RNASEH2A: variants seen among roughly 807,000 people sequenced by gnomAD.
RNASEH2A encodes RNase H(35).
RNASEH2A carries 30 observed loss-of-function variants against 32.7 expected under a neutral mutation model. The ratio of observed to expected loss-of-function variants is 0.92; its 90% confidence interval spans 0.69 to 1.25. RNASEH2A has a LOEUF of 1.25. Among genes scored for constraint, RNASEH2A ranks in the 50% most tolerant of loss-of-function variants. The pLI is 0.00. For synonymous variants in RNASEH2A, 147 were observed against 165.4 expected, an observed-to-expected ratio of 0.89 and a Z score of 0.86; for missense variants, 409 against 398.1, an observed-to-expected ratio of 1.03 and a Z score of -0.23.
Position 12,806,749 on chromosome 19 carries a change from A to G in RNASEH2A, c.76A>G (p.Lys26Glu), listed in dbSNP as rs1203795008. The change falls in exon 1 of 8, where the codon AAG becomes GAG. Residue 26 changes from lysine (K) to glutamate (E), a missense_variant. Physicochemically the swap from Lys to Glu is moderately conservative, Grantham distance 56. Coordinates refer to ENST00000221486, the MANE Select transcript of RNASEH2A (RefSeq NM_006397.3). ...LSSPVPAVCR[K>E]EPCVLGVDEA... Reference sequence around the variant, plus strand: ...TTCGCCTGTGCCCGCGGTGTGCCGCAAGGAGCCTTGCGTCCTGGGCGTCGA... The same window carrying G: ...TTCGCCTGTGCCCGCGGTGTGCCGCGAGGAGCCTTGCGTCCTGGGCGTCGA... The G allele has an allele frequency of 1.5e-5, 23 of 1,573,258 alleles. No homozygotes were observed. In the South Asian group the frequency reaches 2.1e-4, roughly 14 times the overall value.
rs750735861 is a variant in RNASEH2A at position 12,806,808 on chromosome 19, C to T, written c.127+8C>T. 6.3e-7 allele frequency: 1 copy of T among 1,584,624 alleles called. No homozygotes were observed. Among genetic ancestry groups the T allele is most frequent in the East Asian group, 2.3e-5 (1 of 43,936 alleles). ...GCAGGGGCCCCGTGCTGGGTGCGCC[C>T]CTAGGGCCAGGGAGGGGAGGGGCGT... On this transcript the variant is annotated splice_region_variant and intron_variant, in intron 1 of 7. Transcript: ENST00000221486.
chr19:12,813,007 G>GA (rs199522141), intron 6 of RNASEH2A, 76 bp from the exon 7 acceptor site: 65,265 of 1,409,508 alleles, frequency 0.046, 883 homozygotes, highest in African/African-American at 0.15. Context: ...CCATCTCAAA[G>GA]AAAAAAAAAA....
At chr19:12,810,236 T>C in intron 5 of RNASEH2A, 28 bp downstream of exon 5, 1 of 1,614,192 alleles carries the variant, frequency 6.2e-7, no homozygotes, top group Non-Finnish European at 8.5e-7. Context: ...CATGGCTGGC[T>C]TCCACCATCC....
intron 4 of RNASEH2A, among the ~76,000 whole-genome samples, chr19:12,808,176 C>T (rs975462601): frequency 2.6e-5 from 4 of 152,012 alleles, no homozygotes; most frequent in Non-Finnish European, 5.9e-5. Context: ...TGCTCGAACC[C>T]GGGAGGCGGA....
chr19:12,809,977 G>A (rs1969049169), intron 4 of RNASEH2A, 94 bp from the exon 5 acceptor site: 4 of 1,508,114 alleles, frequency 2.7e-6, no homozygotes, highest in Non-Finnish European at 3.7e-6. Context: ...TGGAGAAGAG[G>A]ATTCTGGGTA....
chr19:12,807,329 G>A lies in RNASEH2A; in HGVS notation c.323G>A (p.Arg108Gln), dbSNP rs1232764867. Residue 108 changes from arginine (R) to glutamine (Q), a missense_variant and splice_region_variant, in exon 3 of 8, where the codon CGG (arginine) becomes CAG (glutamine). Transcript: ENST00000221486. ...PNLISTSMLG[R>Q]VKYNLNSLSH... ...CTCATCTCTACCAGCATGCTTGGGC[G>A]GTGAGGGGTCCCCGGGAGGGGCAGC... is the stretch of plus-strand genomic sequence containing the variant. 2 of 1,614,032 alleles carry A rather than the reference G, an allele frequency of 1.2e-6. No homozygotes were observed. Among genetic ancestry groups the A allele is most frequent in the African/African-American group, 1.3e-5 (1 of 74,912 alleles).
Position 12,810,068 on chromosome 19 carries a change from C to T in RNASEH2A, c.412-3C>T. 1 of 1,614,096 alleles carries T rather than the reference C, an allele frequency of 6.2e-7. No homozygotes were observed. Among genetic ancestry groups the T allele is most frequent in the Non-Finnish European group, 8.5e-7 (1 of 1,180,014 alleles). On this transcript the variant is annotated splice_region_variant and splice_polypyrimidine_tract_variant and intron_variant, in intron 4 of 7. Transcript: ENST00000221486. The stretch of plus-strand genomic sequence containing the variant: ...AATTAATATGTGTCTGTTGCTGTGG[C>T]AGGTATTCGTGGACACCGTAGGGAT...
chr19:12,813,435 A>T lies in RNASEH2A; in HGVS notation c.869A>T (p.Glu290Val), dbSNP rs1425963270. Residue 290 changes from glutamate (E) to valine (V), a missense_variant, in exon 8 of 8, where the codon GAA becomes GTA. Glu to Val is a moderately radical substitution (Grantham distance 121, BLOSUM62 -2). Coordinates refer to ENST00000221486, the MANE Select transcript of RNASEH2A (RefSeq NM_006397.3). ...CGTTCTTCCCACCGATATTTCCTGG[A>T]ACGCGGCCTGGAGTCAGCAACCAGC... ...RPRSSHRYFL[E>V]RGLESATSL is the part of the protein sequence containing the mutation. 1 of 1,613,960 alleles carries T rather than the reference A, an allele frequency of 6.2e-7. No homozygotes were observed. The highest frequency in any genetic ancestry group is 1.7e-5 in the Admixed American group (1 of 59,984).
Position 12,807,008 on chromosome 19 carries a change from G to T in RNASEH2A, c.128G>T (p.Gly43Val), listed in dbSNP as rs755133697. 5.0e-6 allele frequency: 8 copies of T among 1,613,636 alleles called. No individual in the cohort carries two copies. The Admixed American group carries it at 6.7e-5, about 13-fold the overall frequency. Residue 43 changes from glycine (G) to valine (V), a missense_variant and splice_region_variant, in exon 2 of 8, where the codon GGC becomes GTC. By Grantham distance (109) the Gly-to-Val change is moderately radical. Transcript: ENST00000221486. Reference protein sequence around the residue: ...VDEAGRGPVLGPMVYAICYCP... With the variant: ...VDEAGRGPVLVPMVYAICYCP... ...GAAAACTGACACCCCTTCTCCCCAG[G>T]CCCCATGGTCTACGCCATCTGTTAT...
intron 6 of RNASEH2A, among the ~76,000 whole-genome samples, chr19:12,811,007 C>T (rs922532915): frequency 6.6e-6 from 1 of 151,748 alleles, no homozygotes; most frequent in South Asian, 2.1e-4. Flanking sequence ...CCCTATGTTG[C>T]CCAGCCTGGT....
intron 6 of RNASEH2A, among the ~76,000 whole-genome samples, chr19:12,812,406 G>T (rs1443050530): frequency 1.4e-5 from 2 of 147,218 alleles, no homozygotes; most frequent in African/African-American, 2.5e-5. Context: ...GTGGTGGGTG[G>T]CTGTAGTCCC....
Position 12,807,517 on chromosome 19 carries a change from T to C in RNASEH2A, c.411+11T>C. 1 of 1,609,578 alleles carries C rather than the reference T, an allele frequency of 6.2e-7. No homozygotes were observed. The highest frequency in any genetic ancestry group is 8.5e-7 in the Non-Finnish European group (1 of 1,175,830). Reference sequence around the variant, plus strand: ...GTGAACGTCACCCAGGTGAGTTAACTGTAAGTTGTCCCCATTTGGTCATCT... The same window carrying C: ...GTGAACGTCACCCAGGTGAGTTAACCGTAAGTTGTCCCCATTTGGTCATCT... On this transcript the variant is annotated intron_variant, in intron 4 of 7. Coordinates refer to ENST00000221486, the MANE Select transcript of RNASEH2A (RefSeq NM_006397.3).
At position 12,806,679 on chromosome 19, in the gene RNASEH2A, T is replaced by A; in HGVS notation, c.6T>A (p.Asp2Glu). The A allele has an allele frequency of 6.3e-7, 1 of 1,575,002 alleles. No homozygotes were observed. The highest frequency in any genetic ancestry group is 8.6e-7 in the Non-Finnish European group (1 of 1,160,416). ...GTGGTGGCGGCTGAGGCGGCATGGA[T>A]CTCAGCGAGCTGGAGAGAGACAATA... is the stretch of plus-strand genomic sequence containing the variant. MDLSELERDNTG... is the reference protein window; with the variant it reads MELSELERDNTG... Residue 2 changes from aspartate (D) to glutamate (E), a missense_variant, in exon 1 of 8, where the codon GAT becomes GAA. Coordinates refer to ENST00000221486, the MANE Select transcript of RNASEH2A (RefSeq NM_006397.3).
In RNASEH2A at chr19:12,810,169, C is replaced by T. The variant is rs1969052567; in HGVS notation, c.510C>T (p.Ala170=). Residue 170 remains alanine, a synonymous_variant, in exon 5 of 8, where the codon GCC becomes GCT. Coordinates refer to ENST00000221486, the MANE Select transcript of RNASEH2A (RefSeq NM_006397.3). ...IEVTVKAKAD[A]LYPVVSAASI... The stretch of plus-strand genomic sequence containing the variant: ...TGACGGTCAAGGCCAAAGCAGATGC[C>T]CTCTACCCGGTGGTTAGTGCTGCCA... 3.7e-6 allele frequency: 6 copies of T among 1,614,084 alleles called. No homozygotes were observed. Among genetic ancestry groups the T allele is most frequent in the Admixed American group, 1.7e-5 (1 of 59,982 alleles).
chr19:12,813,460 C>T lies in RNASEH2A; in HGVS notation c.894C>T (p.Ser298=), dbSNP rs760066036. Reference sequence around the variant, plus strand: ...AACGCGGCCTGGAGTCAGCAACCAGCCTCTAGCAGCTGCCTCTACGCGCTC... The same window carrying T: ...AACGCGGCCTGGAGTCAGCAACCAGTCTCTAGCAGCTGCCTCTACGCGCTC... ...FLERGLESAT[S]L The change falls in exon 8 of 8, where the codon AGC becomes AGT. Residue 298 remains serine (S), a synonymous_variant. Coordinates refer to ENST00000221486, the MANE Select transcript of RNASEH2A (RefSeq NM_006397.3). The T allele has an allele frequency of 6.2e-7, 1 of 1,613,394 alleles. No homozygotes were observed. The highest frequency in any genetic ancestry group is 1.7e-5 in the Admixed American group (1 of 59,980).
At position 12,806,620 on chromosome 19, in the gene RNASEH2A, A is replaced by G. The variant is rs983709007; in HGVS notation, c.-54A>G. ...CGAGGCCCGCGGAAAACGCGCGCCG[A>G]GACCCGCTCCTGCAGTATTAGTTCT... On this transcript the variant is annotated 5_prime_UTR_variant, in exon 1 of 8. Coordinates refer to ENST00000221486, the MANE Select transcript of RNASEH2A (RefSeq NM_006397.3). 5 of 1,555,094 alleles carry G rather than the reference A, an allele frequency of 3.2e-6. No homozygotes were observed. In the African/African-American group the frequency reaches 4.1e-5, roughly 13 times the overall value.
In RNASEH2A at chr19:12,810,300, G is replaced by A. The variant is rs372001384; in HGVS notation, c.550-17G>A. 8 of 1,614,036 alleles carry A rather than the reference G, an allele frequency of 5.0e-6. No homozygotes were observed. In the African/African-American group the frequency reaches 1.1e-4, roughly 22 times the overall value. ...AAAGGGAAGGAGGGAGATTCCAGGT[G>A]CCTGTTTTGCCCACAGGTGGCCCGG... is the stretch of plus-strand genomic sequence containing the variant. On this transcript the variant is annotated splice_polypyrimidine_tract_variant and intron_variant, in intron 5 of 7. Transcript: ENST00000221486.
At chr19:12,807,114 C>A (rs1313146441) in intron 2 of RNASEH2A, 35 bp downstream of exon 2, 3 of 1,614,104 alleles carry the variant, frequency 1.9e-6, no homozygotes, top group Non-Finnish European at 2.5e-6. Context: ...GAAGGGATTC[C>A]TGGGTATGTG....
Position 12,813,540 on chromosome 19 carries a change from G to A in RNASEH2A, c.*74G>A. On this transcript the variant is annotated 3_prime_UTR_variant, in exon 8 of 8. Transcript: ENST00000221486. ...TTGTTTAAGGAGAACCACACGTAGG[G>A]GATGTACTTTTGGGACAGAAGCAAG... 1.3e-6 allele frequency: 2 copies of A among 1,592,874 alleles called. No individual in the cohort carries two copies. The highest frequency in any genetic ancestry group is 1.1e-5 in the South Asian group (1 of 90,838).
Sources: gnomAD v4.1 joint callset for allele counts (sites outside exome capture counted in the v4.1 genomes callset) on GRCh38, gnomAD v4.1.1 for gene constraint, MANE v1.5 for transcripts, NCBI Gene and HGNC (gene_info 2026-07-23, HGNC 2026-07-21) for gene names.